Variants in SAXO1 observed in about 807,000 individuals in gnomAD.
SAXO1 encodes the protein stabilizer of axonemal microtubules 1, also known as 4930500O09Rik.
SAXO1 carries 21 observed loss-of-function variants against 17.5 expected under a neutral mutation model. The observed-to-expected ratio is 1.20, with a 90% CI of 0.85 to 1.72. The LOEUF (loss-of-function observed/expected upper bound fraction) is 1.72. SAXO1 is among the 40% of genes most tolerant of loss of function. The pLI is 0.00. For missense variants in SAXO1, 843 were observed against 596.0 expected, an observed-to-expected ratio of 1.41 and a Z score of -4.32; for synonymous variants, 274 against 216.5, an observed-to-expected ratio of 1.27 and a Z score of -2.33.
chr9:19,006,563 G>C (rs1202550134), intron 1 of SAXO1, among the ~76,000 whole-genome samples: 5 of 152,188 alleles, frequency 3.3e-5, no homozygotes, highest in Non-Finnish European at 7.4e-5. Context: ...ACCTGCAATA[G>C]GCAAATTCAC....
rs540878515 is a variant in SAXO1 at position 19,018,866 on chromosome 9, T to G, written c.38+14005A>C. 3.0e-3 allele frequency among the ~76,000 whole-genome samples: 462 copies of G among 152,292 alleles called. 8 individuals carry two copies. In the South Asian group the frequency reaches 0.045, roughly 15 times the overall value. On this transcript the variant is annotated intron_variant, in intron 1 of 3. Transcript: ENST00000380534. ...GGCTTACACCTGTAATCCCAGCACTTTGGGAGGCTGAGGCTGGTGGATCAC... is the reference window on the plus strand; with the variant it reads ...GGCTTACACCTGTAATCCCAGCACTGTGGGAGGCTGAGGCTGGTGGATCAC...
At chr9:19,017,896 A>G (rs1282324050) in intron 1 of SAXO1, among the ~76,000 whole-genome samples, 1 of 152,216 alleles carries the variant, frequency 6.6e-6, no homozygotes, top group African/African-American at 2.4e-5. Context: ...GGCTGTGCAC[A>G]GTGGCTCACG....
intron 1 of SAXO1, among the ~76,000 whole-genome samples, chr9:19,041,790 A>C (rs866443731): frequency 2.0e-5 from 3 of 152,316 alleles, no homozygotes; most frequent in Middle Eastern, 3.4e-3. Flanking sequence ...TACAAAAATA[A>C]AGTCAAAATG....
chr9:18,941,893 T>C (rs1262217732), intron 2 of SAXO1, 54 bp from the exon 3 acceptor site: 9 of 1,536,072 alleles, frequency 5.9e-6, no homozygotes, highest in Non-Finnish European at 8.1e-6. Context: ...ATAAGGCTTA[T>C]GTTTTCTGCT....
intron 3 of SAXO1, among the ~76,000 whole-genome samples, chr9:18,932,650 A>G (rs540518102): frequency 7.3e-4 from 111 of 152,280 alleles, no homozygotes; most frequent in African/African-American, 2.6e-3. Context: ...ATAGTATTGA[A>G]CCTTCCAATC....
At chr9:19,002,969 G>A (rs192251308) in intron 1 of SAXO1, among the ~76,000 whole-genome samples, 1 of 152,298 alleles carries the variant, frequency 6.6e-6, no homozygotes. Flanking sequence ...ATTTGCATAT[G>A]ACATGACTAT....
intron 1 of SAXO1, among the ~76,000 whole-genome samples, chr9:18,972,107 C>G (rs907227777): frequency 6.6e-6 from 1 of 152,172 alleles, no homozygotes; most frequent in South Asian, 2.1e-4. Context: ...ATTTAAAGAG[C>G]ATTTCTTACT....
chr9:19,045,833 A>G (rs527783034), intron 1 of SAXO1, among the ~76,000 whole-genome samples: 26 of 152,354 alleles, frequency 1.7e-4, no homozygotes, highest in African/African-American at 6.3e-4. Flanking sequence ...AATATGCTCT[A>G]TGATTTCCAT....
intron 3 of SAXO1, among the ~76,000 whole-genome samples, chr9:18,936,050 T>C (rs1831275570): frequency 6.6e-6 from 1 of 152,200 alleles, no homozygotes; most frequent in Non-Finnish European, 1.5e-5. Context: ...AGTGGCTGAT[T>C]TCCAGAGTCT....
intron 1 of SAXO1, among the ~76,000 whole-genome samples, chr9:18,997,200 C>T (rs1369970347): frequency 6.6e-6 from 1 of 152,218 alleles, no homozygotes; most frequent in African/African-American, 2.4e-5. Context: ...CCAAGGGAAG[C>T]CATGAGTGAC....
intron 1 of SAXO1, among the ~76,000 whole-genome samples, chr9:19,009,320 C>T (rs866023028): frequency 2.0e-5 from 3 of 152,138 alleles, no homozygotes; most frequent in Middle Eastern, 3.2e-3. Flanking sequence ...CCCCAACCAT[C>T]ACAGCAGAAA....
chr9:19,023,890 G>A (rs1281141178), intron 1 of SAXO1, among the ~76,000 whole-genome samples: 4 of 151,588 alleles, frequency 2.6e-5, no homozygotes, highest in African/African-American at 9.7e-5. Flanking sequence ...CCTCACACCA[G>A]CACTTTGGGA....
chr9:18,982,241 T>C (rs1338871882), intron 1 of SAXO1, among the ~76,000 whole-genome samples: 1 of 152,176 alleles, frequency 6.6e-6, no homozygotes, highest in African/African-American at 2.4e-5. Context: ...TGCAAACCCA[T>C]TGGCCATTAG....
chr9:18,992,476 C>T (rs1441327606), intron 1 of SAXO1, among the ~76,000 whole-genome samples: 1 of 152,218 alleles, frequency 6.6e-6, no homozygotes, highest in Non-Finnish European at 1.5e-5. Context: ...GGTACCTCAA[C>T]TACCTCTGTA....
chr9:18,995,485 C>A (rs1463101127), intron 1 of SAXO1, among the ~76,000 whole-genome samples: 5 of 152,318 alleles, frequency 3.3e-5, no homozygotes, highest in Middle Eastern at 3.4e-3. Context: ...AAGCCCTGCT[C>A]CTCTCCCACT....
chr9:18,973,048 G>A (rs1178363023), intron 1 of SAXO1, among the ~76,000 whole-genome samples: 3 of 152,190 alleles, frequency 2.0e-5, no homozygotes, highest in Admixed American at 6.5e-5. Context: ...TGCACGGGGA[G>A]CTGCAAAATC....
At chr9:18,938,427 G>A (rs556937040) in intron 3 of SAXO1, among the ~76,000 whole-genome samples, 7 of 152,200 alleles carry the variant, frequency 4.6e-5, no homozygotes, top group East Asian at 3.9e-4. Context: ...CATCCTACAC[G>A]GCAGGAGCAG....
chr9:18,951,756 G>A (rs1047711202), intron 1 of SAXO1, among the ~76,000 whole-genome samples: 2 of 151,988 alleles, frequency 1.3e-5, no homozygotes, highest in South Asian at 2.1e-4. Context: ...TCAAGCTCAG[G>A]GCCTTTATCA....
At chr9:18,936,220 A>G (rs1483598118) in intron 3 of SAXO1, among the ~76,000 whole-genome samples, 2 of 152,130 alleles carry the variant, frequency 1.3e-5, no homozygotes, top group African/African-American at 4.8e-5. Context: ...ACTACCAACT[A>G]TTTATCTAAA....
Sources: gnomAD v4.1 joint callset for allele counts (sites outside exome capture counted in the v4.1 genomes callset) on GRCh38, gnomAD v4.1.1 for gene constraint, MANE v1.5 for transcripts, NCBI Gene and HGNC (gene_info 2026-07-23, HGNC 2026-07-21) for gene names.